The following CDH8 variants were observed in gnomAD, a reference collection of about 807,000 sequenced individuals.
CDH8 encodes the protein cadherin 8, also known as cadherin-8.
A neutral mutation model predicts 68.1 loss-of-function variants in CDH8; 17 were observed. That is an observed-to-expected ratio of 0.25 (90% CI 0.17 to 0.37). The LOEUF (loss-of-function observed/expected upper bound fraction) is 0.37, where lower values mean the gene tolerates loss of function less well. CDH8 is among the 10% of genes least tolerant of loss of function. The probability of loss-of-function intolerance (pLI) is 1.00; values close to 1 mark genes in which losing one functional copy is unlikely to be tolerated. For synonymous variants in CDH8, 372 were observed against 365.1 expected, an observed-to-expected ratio of 1.02 and a Z score of -0.21; for missense variants, 763 against 999.3, an observed-to-expected ratio of 0.76 and a Z score of 3.19.
chr16:61,704,452 C>T (rs183729648), intron 10 of CDH8, among the ~76,000 whole-genome samples: 83 of 152,200 alleles, frequency 5.5e-4, no homozygotes, highest in Non-Finnish European at 9.6e-4. Context: ...AGAAGCGTAT[C>T]TTTTAATAAT....
chr16:61,761,486 G>A (rs1355980341), intron 8 of CDH8, among the ~76,000 whole-genome samples: 1 of 152,144 alleles, frequency 6.6e-6, no homozygotes, highest in African/African-American at 2.4e-5. Flanking sequence ...GATCCTTTGA[G>A]TTGCAAACAA....
chr16:61,684,068 G>C (rs1214123999), intron 10 of CDH8, among the ~76,000 whole-genome samples: 1 of 151,940 alleles, frequency 6.6e-6, no homozygotes, highest in Non-Finnish European at 1.5e-5. Flanking sequence ...TCAGAGATTG[G>C]TTCTGTCATT....
At chr16:61,659,587 A>G (rs553837067) in intron 10 of CDH8, among the ~76,000 whole-genome samples, 1 of 152,246 alleles carries the variant, frequency 6.6e-6, no homozygotes, top group Admixed American at 6.5e-5. Context: ...GCACTGTGCC[A>G]CTGAGAATAT....
intron 7 of CDH8, among the ~76,000 whole-genome samples, chr16:61,799,908 C>G (rs1366208756): frequency 6.6e-6 from 1 of 151,584 alleles, no homozygotes; most frequent in Non-Finnish European, 1.5e-5. Flanking sequence ...AACTCTTTTC[C>G]CCCCCCCAAA....
intron 10 of CDH8, among the ~76,000 whole-genome samples, chr16:61,700,270 T>G (rs1488431955): frequency 6.6e-6 from 1 of 151,756 alleles, no homozygotes; most frequent in Non-Finnish European, 1.5e-5. Context: ...TTAGATCTAT[T>G]TTTAGTTGTT....
At chr16:61,891,537 A>G (rs1297298999) in intron 3 of CDH8, among the ~76,000 whole-genome samples, 4 of 152,186 alleles carry the variant, frequency 2.6e-5, no homozygotes. Flanking sequence ...AAATTCACAT[A>G]TTAGAAGCCA....
At chr16:61,836,336 C>T (rs1482881885) in intron 4 of CDH8, among the ~76,000 whole-genome samples, 2 of 151,960 alleles carry the variant, frequency 1.3e-5, no homozygotes, top group African/African-American at 4.8e-5. Flanking sequence ...TTCTTAACCT[C>T]TCTGAGTCCA....
At chr16:61,707,539 CT>C (rs1049234793) in intron 10 of CDH8, among the ~76,000 whole-genome samples, 2 of 151,998 alleles carry the variant, frequency 1.3e-5, no homozygotes. Context: ...AGAGTGCCTG[CT>C]TTTTTGTTGC....
chr16:61,874,193 T>C, intron 3 of CDH8, among the ~76,000 whole-genome samples: 1 of 152,156 alleles, frequency 6.6e-6, no homozygotes, highest in South Asian at 2.1e-4. Flanking sequence ...CAAAAAATTT[T>C]TTTAAATAAA....
chr16:61,714,096 T>C (rs1964678737), intron 9 of CDH8, 138 bp from the exon 10 acceptor site: 1 of 691,784 alleles, frequency 1.4e-6, no homozygotes, highest in Non-Finnish European at 2.6e-6. Context: ...TTGTCATGGA[T>C]GGTTTGTGCC....
At chr16:61,947,943 A>C (rs1285422086) in intron 2 of CDH8, among the ~76,000 whole-genome samples, 1 of 152,174 alleles carries the variant, frequency 6.6e-6, no homozygotes, top group Non-Finnish European at 1.5e-5. Context: ...TCTGTGGTCA[A>C]GAGCACAGGT....
chr16:61,751,256 C>T (rs1960150315), intron 8 of CDH8, among the ~76,000 whole-genome samples: 1 of 151,614 alleles, frequency 6.6e-6, no homozygotes, highest in Non-Finnish European at 1.5e-5. Flanking sequence ...CATATGCCTT[C>T]AATTTTAGCT....
At chr16:61,973,796 A>C (rs932927766) in intron 2 of CDH8, among the ~76,000 whole-genome samples, 1 of 152,236 alleles carries the variant, frequency 6.6e-6, no homozygotes, top group South Asian at 2.1e-4. Flanking sequence ...CTCAATATTT[A>C]TAATTTGCAA....
intron 2 of CDH8, among the ~76,000 whole-genome samples, chr16:61,944,963 A>T (rs1032670127): frequency 2.0e-5 from 3 of 152,240 alleles, no homozygotes; most frequent in African/African-American, 7.2e-5. Context: ...AAAGAAAAAA[A>T]AATGGCCCAA....
chr16:61,870,284 C>T (rs1228502419), intron 3 of CDH8, among the ~76,000 whole-genome samples: 1 of 152,190 alleles, frequency 6.6e-6, no homozygotes, highest in East Asian at 1.9e-4. Flanking sequence ...CATTTATAAC[C>T]GAAGCACAAT....
intron 2 of CDH8, among the ~76,000 whole-genome samples, chr16:62,008,468 T>C (rs1321667052): frequency 2.6e-5 from 4 of 152,006 alleles, no homozygotes; most frequent in Non-Finnish European, 5.9e-5. Context: ...ACTGGTGGGA[T>C]GGAAGAAACT....
At chr16:61,760,029 C>G (rs1013194796) in intron 8 of CDH8, among the ~76,000 whole-genome samples, 1 of 151,966 alleles carries the variant, frequency 6.6e-6, no homozygotes, top group Non-Finnish European at 1.5e-5. Context: ...ACACACCCCC[C>G]ACCCCAACCC....
intron 8 of CDH8, among the ~76,000 whole-genome samples, chr16:61,737,524 G>A (rs1341860513): frequency 6.6e-6 from 1 of 152,130 alleles, no homozygotes; most frequent in Non-Finnish European, 1.5e-5. Flanking sequence ...TGGAAATAAT[G>A]TCAATAGTGG....
chr16:61,812,987 G>T (rs1461676015), intron 7 of CDH8, among the ~76,000 whole-genome samples: 1 of 152,052 alleles, frequency 6.6e-6, no homozygotes, highest in Non-Finnish European at 1.5e-5. Context: ...AGCTTAGTAT[G>T]GTGTCGGATT....
Sources: gnomAD v4.1 joint callset for allele counts (sites outside exome capture counted in the v4.1 genomes callset) on GRCh38, gnomAD v4.1.1 for gene constraint, MANE v1.5 for transcripts, NCBI Gene and HGNC (gene_info 2026-07-23, HGNC 2026-07-21) for gene names.